Variants in LDB2 observed in about 807,000 individuals in gnomAD.
LDB2 encodes the protein LIM domain-binding protein 2.
Under a neutral mutation model 44.3 loss-of-function variants are expected in LDB2, and 12 were observed. The ratio of observed to expected loss-of-function variants is 0.27; its 90% CI spans 0.17 to 0.44. The LOEUF (loss-of-function observed/expected upper bound fraction) is 0.44, where lower values mean the gene tolerates loss of function less well. Ranked by LOEUF, LDB2 falls within the 20% of genes least tolerant of loss-of-function variation. The pLI is 1.00. For missense variants in LDB2, 344 were observed against 473.5 expected (o/e 0.73, Z 2.54); for synonymous variants, 164 against 174.8 (o/e 0.94, Z 0.49).
At chr4:16,505,928 A>G in intron 7 of LDB2, 1 of 1,551,678 alleles carries the variant, frequency 6.4e-7, no homozygotes. Flanking sequence ...GTTGAATGAC[A>G]CAGGTCTCCA....
At chr4:16,723,840 C>T (rs1194265387) in intron 2 of LDB2, among the ~76,000 whole-genome samples, 1 of 152,082 alleles carries the variant, frequency 6.6e-6, no homozygotes, top group Admixed American at 6.6e-5. Flanking sequence ...CACTGACCTA[C>T]AGTAAGAATC....
chr4:16,553,747 A>G (rs1296057511), intron 5 of LDB2, among the ~76,000 whole-genome samples: 2 of 152,200 alleles, frequency 1.3e-5, no homozygotes, highest in Admixed American at 6.5e-5. Flanking sequence ...CAAACCTTTT[A>G]TAAAGAGTTT....
chr4:16,662,074 T>A (rs1158660539), intron 2 of LDB2, among the ~76,000 whole-genome samples: 2 of 152,190 alleles, frequency 1.3e-5, no homozygotes, highest in East Asian at 3.8e-4. Context: ...GGGCAACTGA[T>A]TGCCAGAAAA....
chr4:16,714,095 G>A (rs944618098), intron 2 of LDB2, among the ~76,000 whole-genome samples: 8 of 152,174 alleles, frequency 5.3e-5, no homozygotes, highest in African/African-American at 1.9e-4. Context: ...GTCATTGGGT[G>A]GAAACTGGCC....
At chr4:16,855,112 A>G (rs1355763601) in intron 1 of LDB2, among the ~76,000 whole-genome samples, 1 of 152,044 alleles carries the variant, frequency 6.6e-6, no homozygotes, top group African/African-American at 2.4e-5. Context: ...GTTCTCAAGT[A>G]CTCTCCGAGA....
At chr4:16,817,267 TAGAG>T (rs765221223) in intron 1 of LDB2, among the ~76,000 whole-genome samples, 5 of 152,366 alleles carry the variant, frequency 3.3e-5, no homozygotes, top group East Asian at 3.9e-4. Flanking sequence ...TCTCTCCTGA[TAGAG>T]AGATATAATT....
intron 4 of LDB2, among the ~76,000 whole-genome samples, chr4:16,586,870 C>T (rs1717169063): frequency 1.3e-5 from 2 of 152,200 alleles, no homozygotes; most frequent in South Asian, 4.1e-4. Flanking sequence ...TGGATGTAAA[C>T]ATCCCCTTGT....
At chr4:16,833,992 A>G (rs1424015034) in intron 1 of LDB2, among the ~76,000 whole-genome samples, 1 of 152,162 alleles carries the variant, frequency 6.6e-6, no homozygotes, top group Non-Finnish European at 1.5e-5. Context: ...TACTTCATTC[A>G]AGTCTCTGCT....
chr4:16,820,104 T>G (rs1781659852), intron 1 of LDB2, among the ~76,000 whole-genome samples: 1 of 152,182 alleles, frequency 6.6e-6, no homozygotes, highest in African/African-American at 2.4e-5. Flanking sequence ...AAATAGTACA[T>G]GAGGAATAAA....
chr4:16,572,560 T>C (rs1448423717), intron 5 of LDB2, among the ~76,000 whole-genome samples: 3 of 152,230 alleles, frequency 2.0e-5, no homozygotes, highest in Non-Finnish European at 4.4e-5. Flanking sequence ...ATTTTGTATA[T>C]ATATGTATTT....
At chr4:16,654,452 GA>G (rs1739194467) in intron 2 of LDB2, among the ~76,000 whole-genome samples, 1 of 152,160 alleles carries the variant, frequency 6.6e-6, no homozygotes, top group Non-Finnish European at 1.5e-5. Flanking sequence ...CATCCTTATG[GA>G]GTTGAGTAAT....
intron 5 of LDB2, among the ~76,000 whole-genome samples, chr4:16,569,612 A>G (rs1046741501): frequency 8.5e-5 from 13 of 152,090 alleles, no homozygotes; most frequent in Non-Finnish European, 1.8e-4. Flanking sequence ...AGACCACCCC[A>G]AACCATCCTA....
At chr4:16,736,020 A>G (rs1761824128) in intron 2 of LDB2, among the ~76,000 whole-genome samples, 1 of 152,176 alleles carries the variant, frequency 6.6e-6, no homozygotes, top group African/African-American at 2.4e-5. Flanking sequence ...TAGATGCCAC[A>G]GTGTCTGGGC....
At chr4:16,552,998 A>G (rs1738205091) in intron 5 of LDB2, among the ~76,000 whole-genome samples, 1 of 152,102 alleles carries the variant, frequency 6.6e-6, no homozygotes, top group Non-Finnish European at 1.5e-5. Flanking sequence ...ATTACCAATC[A>G]CTCTCACACA....
intron 2 of LDB2, among the ~76,000 whole-genome samples, chr4:16,614,707 C>T (rs1726717150): frequency 6.6e-6 from 1 of 151,508 alleles, no homozygotes; most frequent in African/African-American, 2.4e-5. Flanking sequence ...CATCACTGAT[C>T]ATCAGAGAAA....
intron 1 of LDB2, among the ~76,000 whole-genome samples, chr4:16,761,842 C>T (rs186776471): frequency 3.9e-5 from 6 of 152,110 alleles, no homozygotes; most frequent in Non-Finnish European, 8.8e-5. Context: ...TAAAGAACTG[C>T]ACTGAAAATG....
At chr4:16,819,608 T>C (rs948390513) in intron 1 of LDB2, among the ~76,000 whole-genome samples, 8 of 152,024 alleles carry the variant, frequency 5.3e-5, no homozygotes, top group Non-Finnish European at 1.0e-4. Flanking sequence ...CAATTTGAGA[T>C]GTAACACAAT....
At chr4:16,509,198 C>T (rs1334444136) in intron 6 of LDB2, among the ~76,000 whole-genome samples, 1 of 152,120 alleles carries the variant, frequency 6.6e-6, no homozygotes, top group East Asian at 1.9e-4. Flanking sequence ...TATTGCAACC[C>T]ACCTCTATTA....
intron 2 of LDB2, among the ~76,000 whole-genome samples, chr4:16,683,059 C>G (rs1278968090): frequency 2.0e-5 from 3 of 152,224 alleles, no homozygotes; most frequent in Admixed American, 6.5e-5. Flanking sequence ...CTGACAAACT[C>G]AACCCACTTG....
Sources: gnomAD v4.1 joint callset for allele counts (sites outside exome capture counted in the v4.1 genomes callset) on GRCh38, gnomAD v4.1.1 for gene constraint, MANE v1.5 for transcripts, NCBI Gene and HGNC (gene_info 2026-07-23, HGNC 2026-07-21) for gene names.